Variants in PTPN11 observed in about 807,000 individuals in gnomAD.
The protein encoded by PTPN11 is protein tyrosine phosphatase non-receptor type 11.
In PTPN11, 6 loss-of-function variants were observed where a neutral mutation model predicts 78.8. The ratio of observed to expected loss-of-function variants is 0.08; its 90% CI spans 0.04 to 0.15. The LOEUF (loss-of-function observed/expected upper bound fraction) is 0.15, where lower values mean the gene tolerates loss of function less well. PTPN11 is among the 10% of genes least tolerant of loss of function. The probability of loss-of-function intolerance (pLI) is 1.00; values close to 1 mark genes in which losing one functional copy is unlikely to be tolerated. For missense variants in PTPN11, 386 were observed against 744.8 expected, an observed-to-expected ratio of 0.52 and a Z score of 5.61; for synonymous variants, 221 against 263.5, an observed-to-expected ratio of 0.84 and a Z score of 1.56.
chr12:112,437,931 G>A (rs2037819892), intron 1 of PTPN11, among the ~76,000 whole-genome samples: 1 of 151,986 alleles, frequency 6.6e-6, no homozygotes, highest in Admixed American at 6.6e-5. Flanking sequence ...GTTAATTTTT[G>A]TAGACTGCAT....
intron 1 of PTPN11, among the ~76,000 whole-genome samples, chr12:112,424,515 C>G (rs2037574353): frequency 6.6e-6 from 1 of 152,018 alleles, no homozygotes; most frequent in Non-Finnish European, 1.5e-5. Context: ...GGAGATGAGA[C>G]AAGTGATGAG....
intron 6 of PTPN11, among the ~76,000 whole-genome samples, chr12:112,462,561 C>T (rs904489090): frequency 6.6e-6 from 1 of 152,080 alleles, no homozygotes; most frequent in Non-Finnish European, 1.5e-5. Flanking sequence ...AGAAGTCTAC[C>T]TTCTATCCTT....
chr12:112,469,573 G>T (rs2135890229), intron 6 of PTPN11, among the ~76,000 whole-genome samples: 1 of 152,046 alleles, frequency 6.6e-6, no homozygotes, highest in Middle Eastern at 3.4e-3. Context: ...GGAGTGCAGT[G>T]ACACAATCTC....
intron 1 of PTPN11, among the ~76,000 whole-genome samples, chr12:112,426,923 C>A (rs1246007828): frequency 6.6e-6 from 1 of 152,154 alleles, no homozygotes; most frequent in African/African-American, 2.4e-5. Context: ...AGGTGTGAGC[C>A]ACTGCACCTG....
chr12:112,456,114 G>A (rs1285025970), intron 6 of PTPN11, 51 bp downstream of exon 6: 2 of 1,204,438 alleles, frequency 1.7e-6, no homozygotes, highest in Admixed American at 3.6e-5. Flanking sequence ...CCTATTTTTA[G>A]TGGAGGAGAA....
intron 6 of PTPN11, 43 bp downstream of exon 6, chr12:112,456,106 T>C: frequency 7.9e-7 from 1 of 1,261,066 alleles, no homozygotes; most frequent in South Asian, 1.2e-5. Context: ...TGTTATATCC[T>C]ATTTTTAGTG....
intron 6 of PTPN11, among the ~76,000 whole-genome samples, chr12:112,461,071 C>T (rs1035250716): frequency 2.6e-5 from 4 of 152,018 alleles, no homozygotes; most frequent in Non-Finnish European, 5.9e-5. Flanking sequence ...TATCTAGAGA[C>T]TTCATTGGAT....
At chr12:112,421,563 C>T (rs1242912287) in intron 1 of PTPN11, among the ~76,000 whole-genome samples, 1 of 152,146 alleles carries the variant, frequency 6.6e-6, no homozygotes, top group Non-Finnish European at 1.5e-5. Flanking sequence ...GATCCTCTCA[C>T]CTTGGCCTCC....
At chr12:112,495,502 T>C (rs1164872606) in intron 13 of PTPN11, among the ~76,000 whole-genome samples, 1 of 152,204 alleles carries the variant, frequency 6.6e-6, no homozygotes, top group Non-Finnish European at 1.5e-5. Context: ...TGTTAAGTGT[T>C]CTCATCACTT....
intron 1 of PTPN11, among the ~76,000 whole-genome samples, chr12:112,423,478 G>C (rs1442916720): frequency 6.6e-6 from 1 of 152,020 alleles, no homozygotes; most frequent in African/African-American, 2.4e-5. Flanking sequence ...TAGGGATGGG[G>C]TTTCACCATG....
chr12:112,419,948 C>T (rs1050821886), intron 1 of PTPN11, among the ~76,000 whole-genome samples: 7 of 152,184 alleles, frequency 4.6e-5, no homozygotes, highest in Non-Finnish European at 1.0e-4. Context: ...CTACTAATAG[C>T]TAACATTTGC....
At position 112,508,514 on chromosome 12, in the gene PTPN11, T is replaced by A. The variant is rs145941353; in HGVS notation, c.*2722T>A. On this transcript the variant is annotated 3_prime_UTR_variant, in exon 16 of 16. Transcript: ENST00000351677. ...TCAGTAATGGGTGAATGAGGTTGTT[T>A]GGAAAGTCGGTGTGACAGACACATG... is the stretch of plus-strand genomic sequence containing the variant. 2.6e-5 allele frequency: 4 copies of A among 152,510 alleles called. No homozygotes were observed. In the South Asian group the frequency reaches 8.3e-4, roughly 32 times the overall value. The allele number at this position is 152,510 out of a possible 1,614,324, so 9.4% of individuals were successfully genotyped here.
At chr12:112,423,470 G>A (rs1384817868) in intron 1 of PTPN11, among the ~76,000 whole-genome samples, 1 of 152,034 alleles carries the variant, frequency 6.6e-6, no homozygotes, top group African/African-American at 2.4e-5. Context: ...ATTTTTAGTA[G>A]GGATGGGGTT....
At chr12:112,444,989 A>G (rs1273685291) in intron 1 of PTPN11, among the ~76,000 whole-genome samples, 1 of 152,056 alleles carries the variant, frequency 6.6e-6, no homozygotes, top group Admixed American at 6.6e-5. Context: ...GTTAGGTGTG[A>G]TTGCTACTGG....
intron 13 of PTPN11, among the ~76,000 whole-genome samples, chr12:112,492,140 GT>G (rs1050687274): frequency 2.0e-5 from 3 of 152,290 alleles, no homozygotes. Flanking sequence ...TTTGTCCAGT[GT>G]TTTCTCTTGA....
At chr12:112,477,512 C>G in intron 7 of PTPN11, 139 bp from the exon 8 acceptor site, 1 of 695,468 alleles carries the variant, frequency 1.4e-6, no homozygotes, top group Admixed American at 2.7e-5. Context: ...TTTTGCTTAC[C>G]TGGGCTTTAA....
At chr12:112,432,798 A>G (rs2037732825) in intron 1 of PTPN11, among the ~76,000 whole-genome samples, 2 of 152,056 alleles carry the variant, frequency 1.3e-5, no homozygotes, top group South Asian at 4.1e-4. Flanking sequence ...GGGACAACAT[A>G]GCAAGACCCC....
At chr12:112,459,973 G>T (rs1592834582) in intron 6 of PTPN11, among the ~76,000 whole-genome samples, 2 of 149,958 alleles carry the variant, frequency 1.3e-5, no homozygotes. Flanking sequence ...TTTTTAGATG[G>T]ATCTCACTCT....
At chr12:112,449,792 G>A (rs1311781283) in intron 2 of PTPN11, among the ~76,000 whole-genome samples, 5 of 151,806 alleles carry the variant, frequency 3.3e-5, no homozygotes, top group East Asian at 1.9e-4. Context: ...TAGGCCGGGC[G>A]TGGTGGCTCA....
Sources: allele counts gnomAD v4.1 joint callset (sites outside exome capture counted in the v4.1 genomes callset), GRCh38; gene constraint gnomAD v4.1.1; transcripts MANE v1.5; gene names NCBI Gene and HGNC (gene_info 2026-07-23, HGNC 2026-07-21).